The following NOS2 variants were observed in gnomAD, a reference collection of about 807,000 sequenced individuals.
NOS2 encodes nitric oxide synthase 2.
In NOS2, 96 loss-of-function variants were observed where a neutral mutation model predicts 136.0. The observed-to-expected ratio is 0.71, with a 90% CI of 0.60 to 0.84. NOS2 has a LOEUF of 0.84. NOS2 is among the 40% of genes least tolerant of loss of function. NOS2 has a pLI of 0.00. For synonymous variants in NOS2, 539 were observed against 587.5 expected, an observed-to-expected ratio of 0.92 and a Z score of 1.20; for missense variants, 1,237 against 1,496.9, an observed-to-expected ratio of 0.83 and a Z score of 2.87.
intron 5 of NOS2, 131 bp from the exon 6 acceptor site, chr17:27,783,237 C>T (rs1040325426): frequency 6.1e-6 from 6 of 984,474 alleles, no homozygotes; most frequent in Non-Finnish European, 9.2e-6. Flanking sequence ...AGACAGCTCC[C>T]TCCAGGGCTG....
chr17:27,781,278 G>T (rs1443462949), intron 7 of NOS2, 101 bp from the exon 8 acceptor site: 7 of 1,345,474 alleles, frequency 5.2e-6, no homozygotes, highest in Non-Finnish European at 7.1e-6. Context: ...CTGCTCTGCA[G>T]CCCCTGATCC....
intron 2 of NOS2, among the ~76,000 whole-genome samples, chr17:27,791,042 A>G (rs1178403016): frequency 6.6e-6 from 1 of 152,272 alleles, no homozygotes; most frequent in African/African-American, 2.4e-5. Context: ...ATAAATGACC[A>G]TGTATTGCTT....
intron 23 of NOS2, 59 bp from the exon 24 acceptor site, chr17:27,760,803 C>T (rs1908100053): frequency 6.6e-7 from 1 of 1,514,160 alleles, no homozygotes; most frequent in Non-Finnish European, 8.9e-7. Flanking sequence ...CACGCACACA[C>T]AGGATGGCTG....
chr17:27,779,288 CTTATTATTA>C (rs140152355), intron 9 of NOS2, among the ~76,000 whole-genome samples: 13,514 of 139,348 alleles, frequency 0.097, 800 homozygotes, highest in South Asian at 0.22. Context: ...AATTTTTTTC[CTTATTATTA>C]TTATTATTAT....
chr17:27,760,551 G>GGCT, intron 24 of NOS2, 72 bp downstream of exon 24: 1 of 1,544,056 alleles, frequency 6.5e-7, no homozygotes, highest in Non-Finnish European at 8.8e-7. Context: ...CCGTTTGTGG[G>GGCT]GCTGCAGTTC....
At chr17:27,786,379 TC>T (rs1243663485) in intron 5 of NOS2, among the ~76,000 whole-genome samples, 1 of 152,100 alleles carries the variant, frequency 6.6e-6, no homozygotes, top group Non-Finnish European at 1.5e-5. Context: ...TGAGCCAAGA[TC>T]GTGCCACTGC....
intron 4 of NOS2, among the ~76,000 whole-genome samples, chr17:27,788,059 C>G (rs1312220716): frequency 6.6e-5 from 10 of 152,182 alleles, no homozygotes; most frequent in Admixed American, 6.5e-4. Flanking sequence ...TCTCCCTACT[C>G]CGGACTCAGT....
intron 18 of NOS2, 77 bp downstream of exon 18, chr17:27,767,628 G>A: frequency 2.6e-6 from 4 of 1,525,864 alleles, no homozygotes; most frequent in Middle Eastern, 1.9e-4. Context: ...AGAAAGACCT[G>A]GGGGTCTCCT....
Position 27,756,939 on chromosome 17 carries a change from C to T in NOS2, c.*307G>A, listed in dbSNP as rs201780365. 2.9e-5 allele frequency: 10 copies of T among 345,406 alleles called. No homozygotes were observed. Among genetic ancestry groups the T allele is most frequent in the African/African-American group, 2.1e-4 (10 of 47,448 alleles). 21.4% of individuals were successfully genotyped at this position (345,406 alleles called of 1,614,324 possible). Reference sequence around the variant, plus strand: ...TGGTGCGATAGCACCTCCTGGTGGTCACTTGAAGTGGTGCACTCAGCAGCA... The same window carrying T: ...TGGTGCGATAGCACCTCCTGGTGGTTACTTGAAGTGGTGCACTCAGCAGCA... On this transcript the variant is annotated 3_prime_UTR_variant, in exon 27 of 27. Transcript: ENST00000313735.
At position 27,776,334 on chromosome 17, in the gene NOS2, TC is replaced by T. The variant is rs1419434984; in HGVS notation, c.1282-1884del. 3.3e-5 allele frequency among the ~76,000 whole-genome samples: 5 copies of T among 152,276 alleles called. 1 individual carries two copies. Among genetic ancestry groups the T allele is most frequent in the Non-Finnish European group, 5.9e-5 (4 of 68,022 alleles). ...ACGTGGGCTCTCATTCACTTATTCT[TC>T]CAAGACACAGCAACTCCTGGGAGCC... On this transcript the variant is annotated intron_variant, in intron 11 of 26. Coordinates refer to ENST00000313735, the MANE Select transcript of NOS2 (RefSeq NM_000625.4).
chr17:27,756,970 C>T lies in NOS2; in HGVS notation c.*276G>A, dbSNP rs28944214. 5,755 of 398,944 alleles carry T rather than the reference C, an allele frequency of 0.014. 67 individuals are homozygous for T. The highest frequency in any genetic ancestry group is 0.019 in the Non-Finnish European group (4,335 of 226,510). 24.7% of individuals were successfully genotyped at this position (398,944 alleles called of 1,614,324 possible). A position where few individuals can be genotyped will look rare whatever the true frequency, so the allele number is the denominator to read the frequency against. On this transcript the variant is annotated 3_prime_UTR_variant, in exon 27 of 27. Coordinates refer to ENST00000313735, the MANE Select transcript of NOS2 (RefSeq NM_000625.4). ...AAGTGGTGCACTCAGCAGCAAGTTCCATCTTTCACCCACTTGCCAGGCCTG... is the reference window on the plus strand; with the variant it reads ...AAGTGGTGCACTCAGCAGCAAGTTCTATCTTTCACCCACTTGCCAGGCCTG...
intron 17 of NOS2, among the ~76,000 whole-genome samples, chr17:27,768,258 T>TCAGG (rs903548223): frequency 6.6e-5 from 10 of 152,254 alleles, no homozygotes; most frequent in African/African-American, 2.4e-4. Context: ...CACATGTTAC[T>TCAGG]CAGGCTAGTT....
At chr17:27,775,435 T>TA (rs1376618396) in intron 11 of NOS2, among the ~76,000 whole-genome samples, 2 of 152,002 alleles carry the variant, frequency 1.3e-5, no homozygotes, top group Non-Finnish European at 2.9e-5. Flanking sequence ...CCGTCTCTAC[T>TA]AAAAAATATA....
In NOS2 at chr17:27,769,598, G is replaced by C. The variant is rs777664480; in HGVS notation, c.1810-14C>G. The C allele has an allele frequency of 6.2e-7, 1 of 1,606,024 alleles. No individual in the cohort carries two copies. The highest frequency in any genetic ancestry group is 1.7e-5 in the Admixed American group (1 of 60,024). ...TTTCTTCAGTTTCTAGAAAGAGAGG[G>C]AATGACAGAGTTCTCAAGCCAGGAT... On this transcript the variant is annotated splice_polypyrimidine_tract_variant and intron_variant, in intron 15 of 26. Coordinates refer to ENST00000313735, the MANE Select transcript of NOS2 (RefSeq NM_000625.4).
At chr17:27,766,676 T>C in intron 18 of NOS2, 88 bp from the exon 19 acceptor site, 1 of 990,868 alleles carries the variant, frequency 1.0e-6, no homozygotes, top group Non-Finnish European at 1.6e-6. Flanking sequence ...CAGTGACATC[T>C]GAACACCACC....
intron 9 of NOS2, among the ~76,000 whole-genome samples, chr17:27,780,418 C>T (rs901624265): frequency 2.0e-5 from 3 of 152,192 alleles, no homozygotes; most frequent in African/African-American, 7.2e-5. Context: ...AGAGGGACAG[C>T]TAAGAGCATT....
intron 23 of NOS2, 131 bp downstream of exon 23, chr17:27,761,013 G>A: frequency 1.1e-6 from 1 of 915,712 alleles, no homozygotes; most frequent in Non-Finnish European, 1.6e-6. Flanking sequence ...AGCCACACCA[G>A]TGTGACCCCA....
intron 2 of NOS2, among the ~76,000 whole-genome samples, chr17:27,797,858 A>T (rs1909403143): frequency 6.6e-6 from 1 of 152,202 alleles, no homozygotes. Flanking sequence ...CTCAAGTTCC[A>T]ACTCTGTAAA....
intron 23 of NOS2, 86 bp from the exon 24 acceptor site, chr17:27,760,830 G>A: frequency 3.4e-6 from 5 of 1,472,360 alleles, no homozygotes; most frequent in Non-Finnish European, 4.5e-6. Flanking sequence ...TGGGCCTGTG[G>A]GAGGCGGTCG....
Sources: allele counts gnomAD v4.1 joint callset (sites outside exome capture counted in the v4.1 genomes callset), GRCh38; gene constraint gnomAD v4.1.1; transcripts MANE v1.5; gene names NCBI Gene and HGNC (gene_info 2026-07-23, HGNC 2026-07-21).